The following NRXN3 variants were observed in gnomAD, a reference collection of about 807,000 sequenced individuals.
NRXN3 encodes neurexin 3.
NRXN3 carries 32 observed loss-of-function variants against 137.6 expected under a neutral mutation model. The observed-to-expected ratio is 0.23, with a 90% CI of 0.18 to 0.31. The LOEUF (loss-of-function observed/expected upper bound fraction) is 0.31, where lower values mean the gene tolerates loss of function less well. NRXN3 is among the 10% of genes least tolerant of loss of function. The pLI is 1.00. For synonymous variants in NRXN3, 798 were observed against 784.5 expected, an observed-to-expected ratio of 1.02 and a Z score of -0.29; for missense variants, 1,574 against 2,062.5, an observed-to-expected ratio of 0.76 and a Z score of 4.59.
chr14:78,889,267 A>G (rs1434392373), intron 10 of NRXN3, among the ~76,000 whole-genome samples: 1 of 152,000 alleles, frequency 6.6e-6, no homozygotes, highest in African/African-American at 2.4e-5. Flanking sequence ...AAATTTTATT[A>G]TCCATCTCTT....
chr14:79,709,357 G>T (rs575667080), intron 19 of NRXN3, among the ~76,000 whole-genome samples: 4 of 152,234 alleles, frequency 2.6e-5, no homozygotes, highest in Non-Finnish European at 4.4e-5. Flanking sequence ...AAGTGAAAGG[G>T]TGGATACCCC....
chr14:78,414,916 G>T (rs2093043180), intron 4 of NRXN3, among the ~76,000 whole-genome samples: 1 of 152,050 alleles, frequency 6.6e-6, no homozygotes, highest in African/African-American at 2.4e-5. Flanking sequence ...GGAGAGCAAG[G>T]GAGGCTCACA....
chr14:78,256,281 A>G (rs181555621), intron 2 of NRXN3, among the ~76,000 whole-genome samples: 13 of 152,284 alleles, frequency 8.5e-5, no homozygotes, highest in Middle Eastern at 3.4e-3. Flanking sequence ...ATCCTCAGAT[A>G]TTGGAAGTGC....
At chr14:78,678,222 A>G (rs956950412) in intron 6 of NRXN3, among the ~76,000 whole-genome samples, 3 of 152,150 alleles carry the variant, frequency 2.0e-5, no homozygotes, top group Non-Finnish European at 4.4e-5. Context: ...GCATATCTGT[A>G]CAGCTTACTT....
At chr14:78,908,755 C>T (rs1378115052) in intron 10 of NRXN3, among the ~76,000 whole-genome samples, 2 of 151,954 alleles carry the variant, frequency 1.3e-5, no homozygotes, top group Non-Finnish European at 2.9e-5. Context: ...ATTAAAATTG[C>T]AGCAAGAACA....
At chr14:78,476,430 G>A (rs1430465295) in intron 4 of NRXN3, among the ~76,000 whole-genome samples, 1 of 152,210 alleles carries the variant, frequency 6.6e-6, no homozygotes, top group African/African-American at 2.4e-5. Context: ...AGTGGGGAGG[G>A]CACACGGGTG....
At chr14:78,969,316 G>C (rs1300610587) in intron 14 of NRXN3, among the ~76,000 whole-genome samples, 1 of 152,204 alleles carries the variant, frequency 6.6e-6, no homozygotes, top group East Asian at 1.9e-4. Context: ...TTAACCAGCA[G>C]ATGGCAGAAG....
intron 15 of NRXN3, among the ~76,000 whole-genome samples, chr14:79,005,767 A>G (rs895273412): frequency 6.6e-6 from 1 of 151,256 alleles, no homozygotes; most frequent in Non-Finnish European, 1.5e-5. Context: ...ATACATGTTT[A>G]CCTGTGTGTG....
At chr14:78,411,310 T>C (rs1177688026) in intron 4 of NRXN3, among the ~76,000 whole-genome samples, 1 of 152,158 alleles carries the variant, frequency 6.6e-6, no homozygotes, top group Non-Finnish European at 1.5e-5. Context: ...TTTGAATTAG[T>C]ATTTTGAGCA....
At chr14:78,405,775 A>G (rs550529587) in intron 4 of NRXN3, among the ~76,000 whole-genome samples, 2 of 152,286 alleles carry the variant, frequency 1.3e-5, no homozygotes, top group South Asian at 4.1e-4. Flanking sequence ...CATTCAACCC[A>G]TACAAAAATA....
At position 78,698,477 on chromosome 14, in the gene NRXN3, T is replaced by C. The variant is rs149455054; in HGVS notation, c.1222-10740T>C. Among the ~76,000 whole-genome samples the C allele has an allele frequency of 1.5e-3, 231 of 152,164 alleles. 2 individuals are homozygous for C. The highest frequency in any genetic ancestry group is 5.4e-3 in the African/African-American group (225 of 41,512). On this transcript the variant is annotated intron_variant, in intron 6 of 20. Coordinates refer to ENST00000335750, the MANE Select transcript of NRXN3 (RefSeq NM_001330195.2). ...CCTCATTGTTGGAGAGTCGTTCTTG[T>C]TCTTTGACTCTAGGTAGAGAGGATG...
At chr14:79,151,763 G>A (rs1358611686) in intron 15 of NRXN3, among the ~76,000 whole-genome samples, 1 of 151,942 alleles carries the variant, frequency 6.6e-6, no homozygotes, top group Non-Finnish European at 1.5e-5. Flanking sequence ...CAGCCTCTTA[G>A]TTGCTGAGAC....
At chr14:78,278,869 C>T (rs953684615) in intron 3 of NRXN3, among the ~76,000 whole-genome samples, 1 of 152,218 alleles carries the variant, frequency 6.6e-6, no homozygotes, top group Non-Finnish European at 1.5e-5. Flanking sequence ...ATATGGTTCT[C>T]ATACTTAATA....
chr14:79,803,228 T>C (rs1446875088), intron 19 of NRXN3, among the ~76,000 whole-genome samples: 1 of 152,120 alleles, frequency 6.6e-6, no homozygotes, highest in African/African-American at 2.4e-5. Flanking sequence ...AGTAATTCCA[T>C]ACCTAGGATG....
chr14:79,465,113 T>G (rs941626136), intron 15 of NRXN3, among the ~76,000 whole-genome samples: 5 of 152,176 alleles, frequency 3.3e-5, no homozygotes, highest in Non-Finnish European at 7.4e-5. Flanking sequence ...TTCTATACAT[T>G]AATCACTGAG....
intron 4 of NRXN3, among the ~76,000 whole-genome samples, chr14:78,638,956 A>G (rs958969728): frequency 1.3e-5 from 2 of 152,240 alleles, no homozygotes; most frequent in Non-Finnish European, 2.9e-5. Flanking sequence ...TTCTTTTGTC[A>G]TTACTGAGGC....
intron 15 of NRXN3, among the ~76,000 whole-genome samples, chr14:78,993,791 G>C (rs1567928795): frequency 6.7e-6 from 1 of 148,474 alleles, no homozygotes; most frequent in African/African-American, 2.5e-5. Context: ...TCTATGAAGA[G>C]CAGCTGCTTT....
chr14:78,806,637 G>C (rs1024559347), intron 9 of NRXN3, among the ~76,000 whole-genome samples: 1 of 152,136 alleles, frequency 6.6e-6, no homozygotes, highest in Non-Finnish European at 1.5e-5. Flanking sequence ...ATGTCAAGGA[G>C]ACTAGGGTTT....
intron 15 of NRXN3, among the ~76,000 whole-genome samples, chr14:79,058,068 G>T (rs1198713154): frequency 2.6e-5 from 4 of 152,042 alleles, no homozygotes; most frequent in Non-Finnish European, 4.4e-5. Context: ...GAAAATTGAG[G>T]GAGCTTATGC....
Sources: allele counts gnomAD v4.1 joint callset (sites outside exome capture counted in the v4.1 genomes callset), GRCh38; gene constraint gnomAD v4.1.1; transcripts MANE v1.5; gene names NCBI Gene and HGNC (gene_info 2026-07-23, HGNC 2026-07-21).